Variants in ADGRA2 observed in about 807,000 individuals in gnomAD.
The protein encoded by ADGRA2 is adhesion G protein-coupled receptor A2.
Under a neutral mutation model 98.7 loss-of-function variants are expected in ADGRA2, and 61 were observed. The ratio of observed to expected loss-of-function variants is 0.62; its 90% CI spans 0.50 to 0.76. The LOEUF is 0.76. Among genes scored for constraint, ADGRA2 ranks in the 30% least tolerant of loss-of-function variants. The pLI, the probability that ADGRA2 is intolerant of heterozygous loss-of-function variation, is 0.00. For synonymous variants in ADGRA2, 858 were observed against 831.5 expected, an observed-to-expected ratio of 1.03 and a Z score of -0.55; for missense variants, 1,712 against 1,860.0, an observed-to-expected ratio of 0.92 and a Z score of 1.46.
At chr8:37,826,048 T>C (rs974380201) in intron 2 of ADGRA2, among the ~76,000 whole-genome samples, 3 of 151,820 alleles carry the variant, frequency 2.0e-5, no homozygotes, top group Non-Finnish European at 4.4e-5. Context: ...CTCGCTCCCA[T>C]CTGCAGAGCA....
At chr8:37,831,625 C>G in intron 8 of ADGRA2, 38 bp downstream of exon 8, 1 of 1,587,106 alleles carries the variant, frequency 6.3e-7, no homozygotes. Context: ...CTGCCCAGCC[C>G]CCAACCCCAC....
At chr8:37,840,735 A>AC (rs757616317) in intron 17 of ADGRA2, 25 bp from the exon 18 acceptor site, 6 of 1,275,602 alleles carry the variant, frequency 4.7e-6, no homozygotes, top group East Asian at 2.3e-5. Flanking sequence ...CATCTCTGGG[A>AC]CCCCCAATCC....
chr8:37,815,701 G>C (rs1397412554), intron 2 of ADGRA2, among the ~76,000 whole-genome samples: 2 of 152,224 alleles, frequency 1.3e-5, no homozygotes, highest in Non-Finnish European at 1.5e-5. Flanking sequence ...GGGGCTCATG[G>C]AGAGGTAGGG....
intron 1 of ADGRA2, among the ~76,000 whole-genome samples, chr8:37,812,099 T>G (rs2129936935): frequency 6.6e-6 from 1 of 151,756 alleles, no homozygotes; most frequent in African/African-American, 2.4e-5. Context: ...GAGACTCTCT[T>G]TCAGAAAAAA....
At chr8:37,812,346 G>A (rs576427143) in intron 1 of ADGRA2, among the ~76,000 whole-genome samples, 51 of 152,280 alleles carry the variant, frequency 3.3e-4, no homozygotes, top group African/African-American at 1.1e-3. Flanking sequence ...GAGGATTTGT[G>A]GCTGGGCGCG....
At position 37,831,519 on chromosome 8, in the gene ADGRA2, C is replaced by T. The variant is rs747188499; in HGVS notation, c.1029C>T (p.Ile343=). The T allele has an allele frequency of 9.3e-6, 15 of 1,613,778 alleles. No homozygotes were observed. Among genetic ancestry groups the T allele is most frequent in the Admixed American group, 8.3e-5 (5 of 59,996 alleles). ...AQGNASKKVE[I]VVLETSASYC... ...GCAACGCCAGCAAGAAGGTGGAGATCGTGGTGCTGGAGACCTCTGCCTCCT... is the reference window on the plus strand; with the variant it reads ...GCAACGCCAGCAAGAAGGTGGAGATTGTGGTGCTGGAGACCTCTGCCTCCT... Residue 343 remains isoleucine, a synonymous_variant, in exon 8 of 19, where the codon ATC becomes ATT. Transcript: ENST00000412232.
intron 2 of ADGRA2, among the ~76,000 whole-genome samples, chr8:37,822,702 T>C (rs960580472): frequency 6.6e-6 from 1 of 152,182 alleles, no homozygotes; most frequent in Non-Finnish European, 1.5e-5. Flanking sequence ...CTGGACATTT[T>C]ATATAAATGA....
Position 37,843,347 on chromosome 8 carries a change from TG to T in ADGRA2, c.*993del, listed in dbSNP as rs1045142045. 4.1e-4 allele frequency: 63 copies of T among 152,378 alleles called. No individual in the cohort carries two copies. Among genetic ancestry groups the T allele is most frequent in the African/African-American group, 1.4e-3 (59 of 41,580 alleles). The allele number at this position is 152,378 out of a possible 1,614,324, so 9.4% of individuals were successfully genotyped here. A position where few individuals can be genotyped will look rare whatever the true frequency, so the allele number is the denominator to read the frequency against. On this transcript the variant is annotated 3_prime_UTR_variant, in exon 19 of 19. Transcript: ENST00000412232. ...CAGAGGAAGAACCATCCCAATCATT[TG>T]ATCTCCAGCTCCACAGTAGAGAGAA...
At chr8:37,829,590 G>A in intron 5 of ADGRA2, 31 bp downstream of exon 5, 1 of 1,490,362 alleles carries the variant, frequency 6.7e-7, no homozygotes, top group Non-Finnish European at 9.4e-7. Flanking sequence ...CAAGGACCCA[G>A]ACCCCTGTCC....
At chr8:37,840,616 G>C in intron 17 of ADGRA2, 144 bp from the exon 18 acceptor site, 1 of 658,378 alleles carries the variant, frequency 1.5e-6, no homozygotes, top group South Asian at 1.7e-5. Context: ...GTCCCTGCAG[G>C]GACCTTGCAT....
chr8:37,798,130 G>C lies in ADGRA2; in HGVS notation c.266+596G>C, dbSNP rs1804394112. On this transcript the variant is annotated intron_variant, in intron 1 of 18. Transcript: ENST00000412232. The stretch of plus-strand genomic sequence containing the variant: ...CGGCCCTTGGAATACCGGCGCTCCT[G>C]GGCTGCAGGAGACCCTGGCGTCCCC... Among the ~76,000 whole-genome samples the C allele has an allele frequency of 2.7e-5, 4 of 149,976 alleles. No homozygotes were observed. The Admixed American group carries it at 2.7e-4, about 10-fold the overall frequency.
Position 37,833,809 on chromosome 8 carries a change from T to G in ADGRA2, c.1418T>G (p.Phe473Cys). 1 of 1,614,136 alleles carries G rather than the reference T, an allele frequency of 6.2e-7. No homozygotes were observed. Residue 473 changes from phenylalanine (F) to cysteine (C), a missense_variant, in exon 10 of 19, where the codon TTT (phenylalanine) becomes TGT (cysteine). Coordinates refer to ENST00000412232, the MANE Select transcript of ADGRA2 (RefSeq NM_032777.10). ...TATGTGGCTCAGATGATCCAGAAATTTTTGGGTTATGTCGACCAGATCAAA... is the reference window on the plus strand; with the variant it reads ...TATGTGGCTCAGATGATCCAGAAATGTTTGGGTTATGTCGACCAGATCAAA... ...VVYVAQMIQK[F>C]LGYVDQIKEL...
chr8:37,811,972 G>C (rs6999410), intron 1 of ADGRA2, among the ~76,000 whole-genome samples: 8,020 of 151,732 alleles, frequency 0.053, 444 homozygotes, highest in East Asian at 0.19. Context: ...GCATGGTGAC[G>C]GGCACCTGTA....
At position 37,841,387 on chromosome 8, in the gene ADGRA2, G is replaced by T. The variant is rs1430994625; in HGVS notation, c.3049G>T (p.Val1017Phe). The T allele has an allele frequency of 6.2e-7, 1 of 1,611,698 alleles. No individual in the cohort carries two copies. ...TGGTGACAGCCTCTATTCTCCGGGA[G>T]TCCAGCTAGGGGCGCTGGTGACCAC... ...EDGDSLYSPG[V>F]QLGALVTTHF... The change falls in exon 19 of 19, where the codon GTC (valine) becomes TTC (phenylalanine). Residue 1017 changes from valine (V) to phenylalanine (F), a missense_variant. Physicochemically the swap from Val to Phe is conservative, Grantham distance 50 (BLOSUM62 -1). Transcript: ENST00000412232. This position sits in a 1 kb window ranked among gnomAD's most constrained non-coding sequence, Gnocchi z 5.0.
In ADGRA2 at chr8:37,844,211, C is replaced by T; in HGVS notation, c.*1856C>T. On this transcript the variant is annotated 3_prime_UTR_variant, in exon 19 of 19. Transcript: ENST00000412232. Reference sequence around the variant, plus strand: ...TTCAAACCAGCAGCAAAGAGCCTGACATTTTCCCATCCATCTATGAGGAAA... The same window carrying T: ...TTCAAACCAGCAGCAAAGAGCCTGATATTTTCCCATCCATCTATGAGGAAA... The T allele has an allele frequency of 2.3e-6, 1 of 438,062 alleles. No homozygotes were observed. Among genetic ancestry groups the T allele is most frequent in the Non-Finnish European group, 4.1e-6 (1 of 241,892 alleles). The allele number at this position is 438,062 out of a possible 1,614,324, so 27.1% of individuals were successfully genotyped here. A position where few individuals can be genotyped will look rare whatever the true frequency, so the allele number is the denominator to read the frequency against.
At chr8:37,838,004 G>A (rs1442286357) in intron 14 of ADGRA2, 65 bp downstream of exon 14, 2 of 1,276,386 alleles carry the variant, frequency 1.6e-6, no homozygotes, top group East Asian at 2.6e-5. Flanking sequence ...AAATGGGGGT[G>A]GGTGTACTCT....
chr8:37,809,798 C>T (rs953898788), intron 1 of ADGRA2, among the ~76,000 whole-genome samples: 1 of 152,130 alleles, frequency 6.6e-6, no homozygotes, highest in Non-Finnish European at 1.5e-5. Context: ...ACAGAGGCTG[C>T]CTCAGAGAGA....
chr8:37,828,917 T>C lies in ADGRA2; in HGVS notation c.368T>C (p.Val123Ala). 6.3e-7 allele frequency: 1 copy of C among 1,595,446 alleles called. No individual in the cohort carries two copies. The highest frequency in any genetic ancestry group is 8.5e-7 in the Non-Finnish European group (1 of 1,171,880). ...CTGAGGAACAACATCATCAGCACAG[T>C]GCAGCCGGGCGCCTTCCTGGGCCTG... is the stretch of plus-strand genomic sequence containing the variant. ...LDLRNNIIST[V>A]QPGAFLGLGE... The change falls in exon 3 of 19, where the codon GTG becomes GCG. Residue 123 changes from valine (V) to alanine (A), a missense_variant. Physicochemically the swap from Val to Ala is moderately conservative, Grantham distance 64. Transcript: ENST00000412232.
chr8:37,798,522 A>G (rs1188923512), intron 1 of ADGRA2, among the ~76,000 whole-genome samples: 1 of 152,052 alleles, frequency 6.6e-6, no homozygotes, highest in Non-Finnish European at 1.5e-5. Context: ...TCCTGCGCCG[A>G]CCACGTGCTC....
Sources: gnomAD v4.1 joint callset for allele counts (sites outside exome capture counted in the v4.1 genomes callset) on GRCh38, gnomAD v4.1.1 for gene constraint, Gnocchi (gnomAD v3.1) non-coding constraint, MANE v1.5 for transcripts, NCBI Gene and HGNC (gene_info 2026-07-23, HGNC 2026-07-21) for gene names.